Variants in HSF2BP observed in about 807,000 individuals in gnomAD.
The protein encoded by HSF2BP is heat shock transcription factor 2 binding protein.
Under a neutral mutation model 35.0 loss-of-function variants are expected in HSF2BP, and 35 were observed. That is an observed-to-expected ratio of 1.00 (90% confidence interval 0.76 to 1.32). The LOEUF (loss-of-function observed/expected upper bound fraction) is 1.32, where lower values mean the gene tolerates loss of function less well. Among genes scored for constraint, HSF2BP ranks in the 40% most tolerant of loss-of-function variants. HSF2BP has a pLI of 0.00. For missense variants in HSF2BP, 326 were observed against 321.7 expected, an observed-to-expected ratio of 1.01 and a Z score of -0.10; for synonymous variants, 114 against 117.4, an observed-to-expected ratio of 0.97 and a Z score of 0.18.
intron 7 of HSF2BP, among the ~76,000 whole-genome samples, chr21:43,600,753 G>A (rs2082042060): frequency 1.3e-5 from 2 of 152,148 alleles, no homozygotes; most frequent in South Asian, 4.1e-4. Flanking sequence ...CACCTCCCTG[G>A]TTAAGAAAGA....
chr21:43,612,944 G>A (rs949457460), intron 7 of HSF2BP, among the ~76,000 whole-genome samples: 7 of 152,066 alleles, frequency 4.6e-5, no homozygotes, highest in African/African-American at 9.7e-5. Context: ...ATTATCACAC[G>A]CTGATTATGT....
intron 4 of HSF2BP, among the ~76,000 whole-genome samples, chr21:43,643,272 T>C (rs920116334): frequency 6.6e-6 from 1 of 152,178 alleles, no homozygotes; most frequent in African/African-American, 2.4e-5. Flanking sequence ...CATGATTTTT[T>C]CCTCCGAGAC....
At chr21:43,604,972 CCACA>C (rs1275547091) in intron 7 of HSF2BP, among the ~76,000 whole-genome samples, 1 of 147,976 alleles carries the variant, frequency 6.8e-6, no homozygotes, top group Non-Finnish European at 1.5e-5. Flanking sequence ...ACACTACACA[CCACA>C]CACACATCAC....
chr21:43,652,311 G>A (rs1398794190), intron 3 of HSF2BP, among the ~76,000 whole-genome samples: 1 of 150,764 alleles, frequency 6.6e-6, no homozygotes, highest in Admixed American at 6.6e-5. Context: ...GCTGAGGCAG[G>A]AGAATAGCTT....
chr21:43,646,210 C>T (rs545839719), intron 3 of HSF2BP, among the ~76,000 whole-genome samples: 42 of 151,752 alleles, frequency 2.8e-4, no homozygotes, highest in African/African-American at 9.7e-4. Flanking sequence ...TATTTCCTCT[C>T]CCTCAAATCA....
At chr21:43,646,527 G>A (rs916178876) in intron 3 of HSF2BP, among the ~76,000 whole-genome samples, 32 of 151,990 alleles carry the variant, frequency 2.1e-4, no homozygotes, top group African/African-American at 7.5e-4. Flanking sequence ...ACTATTAAAC[G>A]GTATATTACT....
At chr21:43,618,687 A>T (rs938054437) in intron 6 of HSF2BP, among the ~76,000 whole-genome samples, 12 of 152,064 alleles carry the variant, frequency 7.9e-5, no homozygotes, top group Admixed American at 6.6e-4. Context: ...CTGTAATCCC[A>T]GTACTTTGGG....
chr21:43,635,774 G>T (rs973346331), intron 4 of HSF2BP, among the ~76,000 whole-genome samples: 3 of 151,860 alleles, frequency 2.0e-5, no homozygotes, highest in African/African-American at 7.3e-5. Context: ...AAAGTTAGTT[G>T]AGCATGGTGG....
At chr21:43,643,798 A>C (rs112982738) in intron 4 of HSF2BP, among the ~76,000 whole-genome samples, 3,830 of 152,208 alleles carry the variant, frequency 0.025, 50 homozygotes, top group Middle Eastern at 0.065. Context: ...CTCTACTAAA[A>C]ATACAAAAAC....
At chr21:43,582,229 G>A (rs2081757789) in intron 8 of HSF2BP, among the ~76,000 whole-genome samples, 2 of 145,986 alleles carry the variant, frequency 1.4e-5, no homozygotes, top group South Asian at 2.2e-4. Flanking sequence ...GGCCTGCTGT[G>A]GGGGATGAGG....
At chr21:43,604,274 C>T (rs1182137707) in intron 7 of HSF2BP, among the ~76,000 whole-genome samples, 3 of 146,282 alleles carry the variant, frequency 2.1e-5, no homozygotes, top group African/African-American at 7.7e-5. Context: ...CCACACACCA[C>T]TCACACACAT....
chr21:43,613,555 T>C (rs1479738795), intron 7 of HSF2BP, among the ~76,000 whole-genome samples: 1 of 152,228 alleles, frequency 6.6e-6, no homozygotes, highest in Admixed American at 6.5e-5. Flanking sequence ...GGAAGACAGA[T>C]ACCTATTTAA....
At chr21:43,576,439 A>C (rs944517787) in intron 8 of HSF2BP, among the ~76,000 whole-genome samples, 1 of 152,232 alleles carries the variant, frequency 6.6e-6, no homozygotes, top group Admixed American at 6.5e-5. Flanking sequence ...ACCAAATCCC[A>C]TAAGGAAAGG....
chr21:43,612,519 C>A (rs1299929287), intron 7 of HSF2BP, among the ~76,000 whole-genome samples: 1 of 151,984 alleles, frequency 6.6e-6, no homozygotes, highest in Non-Finnish European at 1.5e-5. Flanking sequence ...GGCGTGGTGG[C>A]GGGCGCCTGT....
At chr21:43,608,693 G>A (rs867094626) in intron 7 of HSF2BP, among the ~76,000 whole-genome samples, 2 of 152,192 alleles carry the variant, frequency 1.3e-5, no homozygotes, top group Middle Eastern at 3.4e-3. Context: ...GATAAGTGGT[G>A]GCTCATGCCT....
At chr21:43,635,172 G>C (rs1413969305) in intron 4 of HSF2BP, among the ~76,000 whole-genome samples, 1 of 151,984 alleles carries the variant, frequency 6.6e-6, no homozygotes, top group East Asian at 1.9e-4. Context: ...CCTATACAAT[G>C]AAAACTACAA....
Position 43,613,985 on chromosome 21 carries a change from T to C in HSF2BP, c.575-38A>G, listed in dbSNP as rs1326895810. On this transcript the variant is annotated intron_variant, in intron 6 of 8. Transcript: ENST00000291560. ...ATGAAACAAAACATCAAGATCATTA[T>C]GACTCAGAACCTAGACAATTTTGTG... 3 of 1,429,570 alleles carry C rather than the reference T, an allele frequency of 2.1e-6. No homozygotes were observed. The South Asian group carries it at 3.5e-5, about 17-fold the overall frequency. The allele number at this position is 1,429,570 out of a possible 1,614,324, so 88.6% of individuals were successfully genotyped here.
At chr21:43,642,795 C>CTTTTTTT (rs869086487) in intron 4 of HSF2BP, among the ~76,000 whole-genome samples, 6 of 92,118 alleles carry the variant, frequency 6.5e-5, no homozygotes, top group Admixed American at 1.2e-4. Flanking sequence ...GGCTTCTTTT[C>CTTTTTTT]TTTTTTTTTT....
At chr21:43,505,781 G>C in the HSF2BP span, among the ~76,000 whole-genome samples, 1 of 118,202 alleles carries the variant, frequency 8.5e-6, no homozygotes. Context: ...TGTCCCTGGA[G>C]ACTAATGTGG....
Sources: allele counts gnomAD v4.1 joint callset (sites outside exome capture counted in the v4.1 genomes callset), GRCh38; gene constraint gnomAD v4.1.1; transcripts MANE v1.5; gene names NCBI Gene and HGNC (gene_info 2026-07-23, HGNC 2026-07-21).